Variants in NPY2R observed in about 807,000 individuals in gnomAD.
NPY2R encodes neuropeptide Y receptor Y2, also known as neuropeptide Y receptor type 2.
In NPY2R, 17 loss-of-function variants were observed where a neutral mutation model predicts 22.3. The ratio of observed to expected loss-of-function variants is 0.76; its 90% confidence interval spans 0.52 to 1.14. The LOEUF (loss-of-function observed/expected upper bound fraction) is 1.14, where lower values mean the gene tolerates loss of function less well. NPY2R is among the 50% of genes most tolerant of loss of function. The pLI is 0.00. For missense variants in NPY2R, 424 were observed against 467.9 expected, an observed-to-expected ratio of 0.91 and a Z score of 0.87; for synonymous variants, 209 against 183.4, an observed-to-expected ratio of 1.14 and a Z score of -1.13.
the NPY2R span, among the ~76,000 whole-genome samples, chr4:155,182,964 T>C: frequency 6.6e-6 from 1 of 152,114 alleles, no homozygotes; most frequent in Non-Finnish European, 1.5e-5. Context: ...GGCTAATTTT[T>C]GCATTTTTGG....
chr4:155,188,054 G>A, the NPY2R span, among the ~76,000 whole-genome samples: 10 of 152,172 alleles, frequency 6.6e-5, no homozygotes, highest in Admixed American at 4.6e-4. Flanking sequence ...TCATTGAAAA[G>A]ACATGCCATC....
the NPY2R span, among the ~76,000 whole-genome samples, chr4:155,200,510 C>A: frequency 6.6e-6 from 1 of 152,058 alleles, no homozygotes; most frequent in Non-Finnish European, 1.5e-5. Flanking sequence ...TGGGTATATA[C>A]TCAAAGGAAT....
the NPY2R span, among the ~76,000 whole-genome samples, chr4:155,183,759 C>T: frequency 1.4e-4 from 22 of 152,272 alleles, no homozygotes; most frequent in African/African-American, 5.1e-4. Flanking sequence ...ACAAGACCTC[C>T]TGCTCTGCAC....
the NPY2R span, among the ~76,000 whole-genome samples, chr4:155,198,570 GATATATATAATATATTATATATA>G: frequency 6.9e-6 from 1 of 144,806 alleles, no homozygotes; most frequent in South Asian, 2.1e-4. Flanking sequence ...TAATATATTT[GATATATATAATATATTATATATA>G]ATATATATAT....
chr4:155,204,489 T>A (rs1729245498), upstream of NPY2R, among the ~76,000 whole-genome samples: 1 of 152,098 alleles, frequency 6.6e-6, no homozygotes, highest in Admixed American at 6.6e-5. Context: ...AAGGAAAAAA[T>A]TTTAAAATAC....
chr4:155,198,536 A>G, the NPY2R span, among the ~76,000 whole-genome samples: 1 of 87,454 alleles, frequency 1.1e-5, no homozygotes, highest in Admixed American at 1.2e-4. Flanking sequence ...TATATATCAA[A>G]TATCTTATAT....
chr4:155,195,464 T>C, the NPY2R span, among the ~76,000 whole-genome samples: 26 of 152,096 alleles, frequency 1.7e-4, no homozygotes, highest in Middle Eastern at 0.017. Flanking sequence ...ACAATTTTGA[T>C]GAAGGGAACC....
chr4:155,179,696 A>G, the NPY2R span, among the ~76,000 whole-genome samples: 1 of 152,182 alleles, frequency 6.6e-6, no homozygotes, highest in Admixed American at 6.6e-5. Flanking sequence ...TTCTGCATAT[A>G]TAGTTTGGGT....
chr4:155,189,992 T>G, the NPY2R span, among the ~76,000 whole-genome samples: 5 of 152,000 alleles, frequency 3.3e-5, no homozygotes, highest in Non-Finnish European at 5.9e-5. Flanking sequence ...GAACAAATGC[T>G]TTTCTCTCTC....
intron 1 of NPY2R, among the ~76,000 whole-genome samples, chr4:155,212,412 A>C (rs1050398550): frequency 2.0e-5 from 3 of 152,244 alleles, no homozygotes; most frequent in African/African-American, 7.2e-5. Flanking sequence ...TCAGAAAAAA[A>C]AATTTTAATA....
intron 1 of NPY2R, among the ~76,000 whole-genome samples, chr4:155,210,717 A>G (rs1729386348): frequency 6.6e-6 from 1 of 152,230 alleles, no homozygotes; most frequent in Non-Finnish European, 1.5e-5. Context: ...CAGAGGGAGC[A>G]GGAATATATC....
chr4:155,201,972 C>T, the NPY2R span, among the ~76,000 whole-genome samples: 15 of 152,136 alleles, frequency 9.9e-5, no homozygotes, highest in South Asian at 4.2e-4. Flanking sequence ...GTTGTTGTGC[C>T]GGTTCCCTTT....
the NPY2R span, among the ~76,000 whole-genome samples, chr4:155,190,197 A>C: frequency 6.6e-6 from 1 of 152,042 alleles, no homozygotes. Flanking sequence ...AAGTTAAATA[A>C]AAGGTATACC....
At chr4:155,192,331 G>T in the NPY2R span, among the ~76,000 whole-genome samples, 1 of 151,688 alleles carries the variant, frequency 6.6e-6, no homozygotes, top group African/African-American at 2.4e-5. Flanking sequence ...CTGGCAAATA[G>T]AAAATAATTT....
At position 155,216,225 on chromosome 4, in the gene NPY2R, T is replaced by G. The variant is rs1729511406; in HGVS notation, c.*1140T>G. 6.0e-6 allele frequency: 1 copy of G among 167,000 alleles called. No individual in the cohort carries two copies. The highest frequency in any genetic ancestry group is 2.4e-5 in the African/African-American group (1 of 41,460). The allele number at this position is 167,000 out of a possible 1,614,324, so 10.3% of individuals were successfully genotyped here. A position where few individuals can be genotyped will look rare whatever the true frequency, so the allele number is the denominator to read the frequency against. On this transcript the variant is annotated 3_prime_UTR_variant, in exon 2 of 2. Transcript: ENST00000329476. ...GTATTTCAAACCAGTTTCACATAAGTTATTTGTCTTCTTTTCAAAATAATT... is the reference window on the plus strand; with the variant it reads ...GTATTTCAAACCAGTTTCACATAAGGTATTTGTCTTCTTTTCAAAATAATT...
chr4:155,193,354 T>C, the NPY2R span, among the ~76,000 whole-genome samples: 3 of 151,914 alleles, frequency 2.0e-5, no homozygotes, highest in Non-Finnish European at 4.4e-5. Flanking sequence ...CCAGGCAGGC[T>C]AAGTCCCCAG....
chr4:155,199,752 G>A, the NPY2R span, among the ~76,000 whole-genome samples: 14 of 151,974 alleles, frequency 9.2e-5, no homozygotes, highest in Non-Finnish European at 1.9e-4. Flanking sequence ...AACAAGCTAT[G>A]GGGAAAGGTT....
the NPY2R span, among the ~76,000 whole-genome samples, chr4:155,188,058 T>C: frequency 1.3e-5 from 2 of 152,142 alleles, no homozygotes; most frequent in Non-Finnish European, 2.9e-5. Context: ...TGAAAAGACA[T>C]GCCATCCACT....
At chr4:155,182,738 G>A in the NPY2R span, among the ~76,000 whole-genome samples, 1,166 of 152,166 alleles carry the variant, frequency 7.7e-3, 20 homozygotes, top group African/African-American at 0.027. Flanking sequence ...TGAACATGGG[G>A]CACAGAGAGA....
Sources: allele counts gnomAD v4.1 joint callset (sites outside exome capture counted in the v4.1 genomes callset), GRCh38; gene constraint gnomAD v4.1.1; transcripts MANE v1.5; gene names NCBI Gene and HGNC (gene_info 2026-07-23, HGNC 2026-07-21).